The following SLC8A1 variants were observed in gnomAD, a reference collection of about 807,000 sequenced individuals.
SLC8A1 encodes the protein solute carrier family 8 member A1, also known as sodium/calcium exchanger 1.
A neutral mutation model predicts 68.3 loss-of-function variants in SLC8A1; 18 were observed. That is an observed-to-expected ratio of 0.26 (90% CI 0.18 to 0.39). The LOEUF is 0.39. SLC8A1 is among the 10% of genes least tolerant of loss of function. SLC8A1 has a pLI of 1.00. For missense variants in SLC8A1, 985 were observed against 1,156.7 expected, an observed-to-expected ratio of 0.85 and a Z score of 2.15; for synonymous variants, 475 against 415.5, an observed-to-expected ratio of 1.14 and a Z score of -1.74.
intron 5 of SLC8A1, among the ~76,000 whole-genome samples, chr2:40,164,439 C>T (rs907773981): frequency 4.6e-5 from 7 of 152,168 alleles, no homozygotes; most frequent in African/African-American, 7.2e-5. Flanking sequence ...TATCCCCCTG[C>T]AAAACAAAAG....
At chr2:40,116,002 T>A (rs2035274795) in intron 7 of SLC8A1, among the ~76,000 whole-genome samples, 1 of 152,198 alleles carries the variant, frequency 6.6e-6, no homozygotes, top group Non-Finnish European at 1.5e-5. Flanking sequence ...CAAGGTGCCA[T>A]GCGGCTGTGC....
At chr2:40,252,494 A>C (rs1454640584) in intron 2 of SLC8A1, among the ~76,000 whole-genome samples, 1 of 151,950 alleles carries the variant, frequency 6.6e-6, no homozygotes, top group Non-Finnish European at 1.5e-5. Flanking sequence ...CACCAAGCCC[A>C]ACTAATTTTT....
chr2:40,485,585 A>C lies in SLC8A1; in HGVS notation c.-25+26764T>G, dbSNP rs751570863. Among the ~76,000 whole-genome samples, 3 of 152,142 alleles carry C rather than the reference A, an allele frequency of 2.0e-5. No homozygotes were observed. The East Asian group carries it at 5.8e-4, about 29-fold the overall frequency. The stretch of plus-strand genomic sequence containing the variant: ...GTTATTTCCCTCTTTTCTGTAATTC[A>C]TCTTTATTTCAACAATCATTGTGGT... On this transcript the variant is annotated intron_variant, in intron 1 of 7. Transcript: ENST00000402441.
At chr2:40,309,817 T>G (rs1161843512) in intron 2 of SLC8A1, among the ~76,000 whole-genome samples, 1 of 152,160 alleles carries the variant, frequency 6.6e-6, no homozygotes, top group Non-Finnish European at 1.5e-5. Context: ...CCATTTTTTA[T>G]TGATATATAA....
At chr2:40,203,244 T>G (rs2148721701) in intron 2 of SLC8A1, among the ~76,000 whole-genome samples, 1 of 152,090 alleles carries the variant, frequency 6.6e-6, no homozygotes, top group East Asian at 1.9e-4. Flanking sequence ...GAGGTAATAA[T>G]CCTGGAGACA....
intron 2 of SLC8A1, among the ~76,000 whole-genome samples, chr2:40,425,686 T>A (rs1026149788): frequency 5.3e-5 from 8 of 151,912 alleles, no homozygotes; most frequent in Admixed American, 5.3e-4. Flanking sequence ...TATAAATTCA[T>A]TCTTAAAGAT....
At chr2:40,391,366 C>T (rs888454576) in intron 2 of SLC8A1, among the ~76,000 whole-genome samples, 1 of 151,972 alleles carries the variant, frequency 6.6e-6, no homozygotes, top group South Asian at 2.1e-4. Flanking sequence ...GAATAAGTGT[C>T]CTTTTAAAAG....
At chr2:40,294,629 C>G (rs1413907870) in intron 2 of SLC8A1, among the ~76,000 whole-genome samples, 2 of 152,140 alleles carry the variant, frequency 1.3e-5, no homozygotes, top group Non-Finnish European at 2.9e-5. Context: ...GTAGTCACCT[C>G]TTGCTTATAA....
intron 2 of SLC8A1, chr2:40,178,486 T>A: frequency 6.2e-7 from 1 of 1,612,158 alleles, no homozygotes; most frequent in African/African-American, 1.3e-5. Context: ...TTGACTGATA[T>A]TGTTTTGCTG....
At chr2:40,306,459 G>GT (rs2072625036) in intron 2 of SLC8A1, among the ~76,000 whole-genome samples, 1 of 146,812 alleles carries the variant, frequency 6.8e-6, no homozygotes, top group African/African-American at 2.6e-5. Context: ...TTGTGGGGGG[G>GT]GGCATAGCGT....
chr2:40,203,855 C>T (rs946271703), intron 2 of SLC8A1, among the ~76,000 whole-genome samples: 6 of 151,822 alleles, frequency 4.0e-5, no homozygotes, highest in Non-Finnish European at 5.9e-5. Flanking sequence ...CATGCATGAA[C>T]TACCACACCT....
chr2:40,426,880 T>G (rs1223325278), intron 2 of SLC8A1, among the ~76,000 whole-genome samples: 1 of 151,916 alleles, frequency 6.6e-6, no homozygotes, highest in African/African-American at 2.4e-5. Context: ...AGGGAAAGAA[T>G]TCCTAGCAAA....
intron 2 of SLC8A1, among the ~76,000 whole-genome samples, chr2:40,400,191 C>T (rs577744167): frequency 2.0e-5 from 3 of 152,264 alleles, no homozygotes; most frequent in East Asian, 3.9e-4. Context: ...CTTGCCGATG[C>T]CCCCGGCCGA....
chr2:40,456,396 A>C (rs76191312), upstream of SLC8A1, among the ~76,000 whole-genome samples: 4,829 of 151,062 alleles, frequency 0.032, 120 homozygotes, highest in Non-Finnish European at 0.053. Context: ...GCCCCTTATT[A>C]AATTAAGGAA....
intron 6 of SLC8A1, among the ~76,000 whole-genome samples, chr2:40,160,297 G>C (rs1177359203): frequency 6.6e-6 from 1 of 152,172 alleles, no homozygotes; most frequent in African/African-American, 2.4e-5. Flanking sequence ...TCTATTTCTA[G>C]AGCCAGTGCA....
intron 1 of SLC8A1, among the ~76,000 whole-genome samples, chr2:40,488,019 CTGAA>C (rs578216142): frequency 1.2e-4 from 19 of 152,056 alleles, no homozygotes; most frequent in Non-Finnish European, 2.6e-4. Flanking sequence ...AGCCAGCTGA[CTGAA>C]TATCTGGCTT....
chr2:40,185,798 A>G (rs1185267559), intron 2 of SLC8A1, among the ~76,000 whole-genome samples: 1 of 152,226 alleles, frequency 6.6e-6, no homozygotes, highest in Admixed American at 6.5e-5. Flanking sequence ...AATAAGCTTT[A>G]GGCTAAATTC....
chr2:40,307,168 CACAAACACAT>C (rs1259716276), intron 2 of SLC8A1, among the ~76,000 whole-genome samples: 27 of 151,310 alleles, frequency 1.8e-4, no homozygotes, highest in Middle Eastern at 3.4e-3. Flanking sequence ...CACACACACA[CACAAACACAT>C]ACACACACAC....
At chr2:40,253,085 T>G (rs933495470) in intron 2 of SLC8A1, among the ~76,000 whole-genome samples, 3 of 100,870 alleles carry the variant, frequency 3.0e-5, no homozygotes, top group Non-Finnish European at 5.8e-5. Context: ...TGTGTATAAA[T>G]GTATATAGTA....
Sources: gnomAD v4.1 joint callset for allele counts (sites outside exome capture counted in the v4.1 genomes callset) on GRCh38, gnomAD v4.1.1 for gene constraint, MANE v1.5 for transcripts, NCBI Gene and HGNC (gene_info 2026-07-23, HGNC 2026-07-21) for gene names.